C9orf153: variants seen among roughly 807,000 people sequenced by gnomAD.
C9orf153 encodes the protein uncharacterized protein C9orf153.
In C9orf153, 10 loss-of-function variants were observed where a neutral mutation model predicts 9.0. The ratio of observed to expected loss-of-function variants is 1.11; its 90% confidence interval spans 0.69 to 1.89. C9orf153 has a LOEUF of 1.89. Ranked by LOEUF, C9orf153 falls within the 40% of genes most tolerant of loss-of-function variation. The pLI is 0.00. For missense variants in C9orf153, 108 were observed against 111.0 expected (o/e 0.97, Z 0.12); for synonymous variants, 35 against 37.3 (o/e 0.94, Z 0.23).
chr9:86,258,478 C>T (rs564918390), intron 1 of C9orf153: 11 of 152,204 alleles, frequency 7.2e-5, no homozygotes, highest in African/African-American at 2.6e-4. Context: ...TATACCCTTG[C>T]CCAAAGAACG....
chr9:86,248,385 C>T (rs1426886425), intron 1 of C9orf153, among the ~76,000 whole-genome samples: 1 of 152,146 alleles, frequency 6.6e-6, no homozygotes, highest in African/African-American at 2.4e-5. Flanking sequence ...CTGCCTGTCT[C>T]GGCCTCCCAA....
chr9:86,225,203 A>G (rs1824295172), intron 3 of C9orf153, among the ~76,000 whole-genome samples: 1 of 152,100 alleles, frequency 6.6e-6, no homozygotes, highest in African/African-American at 2.4e-5. Context: ...AGGATCCTAA[A>G]GTTCTTCTGG....
chr9:86,240,699 T>C (rs1282645855), intron 1 of C9orf153, among the ~76,000 whole-genome samples: 2 of 63,130 alleles, frequency 3.2e-5, no homozygotes, highest in Non-Finnish European at 5.2e-5. Flanking sequence ...TCTTTTCTTT[T>C]TCTTTTTCTT....
intron 1 of C9orf153, among the ~76,000 whole-genome samples, chr9:86,251,942 C>CAT (rs367793280): frequency 6.7e-6 from 1 of 149,646 alleles, no homozygotes; most frequent in Non-Finnish European, 1.5e-5. Flanking sequence ...CACACACACA[C>CAT]GAGAGAGAGA....
intron 1 of C9orf153, among the ~76,000 whole-genome samples, chr9:86,246,937 C>T (rs770642693): frequency 2.6e-5 from 4 of 152,194 alleles, no homozygotes; most frequent in Non-Finnish European, 5.9e-5. Flanking sequence ...GCAATGTTTC[C>T]CAAGCTAGAG....
At chr9:86,247,272 GCT>G (rs1013598669) in intron 1 of C9orf153, among the ~76,000 whole-genome samples, 1 of 152,038 alleles carries the variant, frequency 6.6e-6, no homozygotes, top group South Asian at 2.1e-4. Flanking sequence ...CTGTCTTTTT[GCT>G]CTCTCTCTTT....
chr9:86,244,908 T>C (rs938819734), intron 1 of C9orf153, among the ~76,000 whole-genome samples: 4 of 152,240 alleles, frequency 2.6e-5, no homozygotes, highest in African/African-American at 4.8e-5. Context: ...AAGCATCCTA[T>C]AGATATCTCC....
intron 1 of C9orf153, among the ~76,000 whole-genome samples, chr9:86,236,061 A>C (rs1824579020): frequency 1.3e-5 from 2 of 152,150 alleles, no homozygotes; most frequent in Non-Finnish European, 2.9e-5. Flanking sequence ...AAGATAAAGA[A>C]AAGAAATCTT....
intron 1 of C9orf153, among the ~76,000 whole-genome samples, chr9:86,251,914 T>TACACACACACACAC (rs34620205): frequency 0.11 from 15,535 of 140,080 alleles, 2,176 homozygotes; most frequent in African/African-American, 0.33. Flanking sequence ...TTAGGTAAAC[T>TACACACACACACAC]ACACACACAC....
chr9:86,243,551 T>C (rs770925250), intron 1 of C9orf153, among the ~76,000 whole-genome samples: 47 of 151,478 alleles, frequency 3.1e-4, no homozygotes, highest in Non-Finnish European at 5.3e-4. Flanking sequence ...CCGCAACCTC[T>C]GCCTCCCAGG....
intron 1 of C9orf153, among the ~76,000 whole-genome samples, chr9:86,253,701 C>T (rs1825043710): frequency 6.6e-6 from 1 of 152,204 alleles, no homozygotes; most frequent in African/African-American, 2.4e-5. Flanking sequence ...CTCAAGAGAT[C>T]TTCCCACTTC....
chr9:86,249,875 C>G lies in C9orf153; in HGVS notation c.-27+9675G>C, dbSNP rs141076408. ...TTCCCCTTTGCTCTCTGAAGTTAAG[C>G]TGAAAAATCAACTGACAAAAGGCAG... On this transcript the variant is annotated intron_variant, in intron 1 of 3. Coordinates refer to ENST00000339137, the MANE Select transcript of C9orf153 (RefSeq NM_001276366.4). Among the ~76,000 whole-genome samples the G allele has an allele frequency of 2.6e-3, 389 of 152,250 alleles. 2 individuals carry two copies. Among genetic ancestry groups the G allele is most frequent in the African/African-American group, 8.8e-3 (366 of 41,556 alleles).
At chr9:86,257,736 A>G (rs1825154034) in intron 1 of C9orf153, among the ~76,000 whole-genome samples, 1 of 152,216 alleles carries the variant, frequency 6.6e-6, no homozygotes, top group Admixed American at 6.5e-5. Context: ...CTGCTGATAT[A>G]ACAACCAGAA....
chr9:86,227,881 C>T lies in C9orf153; in HGVS notation c.216G>A (p.Val72=), dbSNP rs770475367. The T allele has an allele frequency of 6.2e-7, 1 of 1,612,714 alleles. No homozygotes were observed. Among genetic ancestry groups the T allele is most frequent in the Non-Finnish European group, 8.5e-7 (1 of 1,179,554 alleles). The change falls in exon 3 of 4, where the codon GTG becomes GTA. Residue 72 remains valine (V), a synonymous_variant. Transcript: ENST00000339137. ...NVMSFTRGAD[V]RGDLQPVIRK... ...TGATAACAGGTTGGAGATCTCCTCTCACATCAGCGCCCCTGGTGAATGACA... is the reference window on the plus strand; with the variant it reads ...TGATAACAGGTTGGAGATCTCCTCTTACATCAGCGCCCCTGGTGAATGACA...
chr9:86,255,064 GAA>G (rs36169949), intron 1 of C9orf153, among the ~76,000 whole-genome samples: 1 of 137,754 alleles, frequency 7.3e-6, no homozygotes, highest in African/African-American at 2.7e-5. Context: ...CGCTGTCTCA[GAA>G]AAAAAAAAAA....
chr9:86,227,255 T>A, intron 3 of C9orf153: 1 of 1,325,804 alleles, frequency 7.5e-7, no homozygotes, highest in Non-Finnish European at 9.6e-7. Context: ...CAAGTGATCC[T>A]CCCACCTAAA....
intron 1 of C9orf153, among the ~76,000 whole-genome samples, chr9:86,246,309 A>G (rs1368923920): frequency 6.6e-6 from 1 of 152,184 alleles, no homozygotes; most frequent in Non-Finnish European, 1.5e-5. Flanking sequence ...CATGCCATTG[A>G]TTTCTGTCAC....
chr9:86,254,235 T>G (rs750151250), intron 1 of C9orf153, among the ~76,000 whole-genome samples: 1 of 152,172 alleles, frequency 6.6e-6, no homozygotes, highest in Non-Finnish European at 1.5e-5. Context: ...GATTCTTACC[T>G]TGTCCATTGT....
rs146827549 is a variant in C9orf153, at chr9:86,259,289, C to T, written c.-27+261G>A. Among the ~76,000 whole-genome samples the T allele has an allele frequency of 2.6e-3, 395 of 152,100 alleles. 2 individuals carry two copies. The highest frequency in any genetic ancestry group is 9.0e-3 in the African/African-American group (373 of 41,462). On this transcript the variant is annotated intron_variant, in intron 1 of 3. Coordinates refer to ENST00000339137, the MANE Select transcript of C9orf153 (RefSeq NM_001276366.4). Reference sequence around the variant, plus strand: ...GAGCAGAGCTATCAGTGTTGAAGGCCGGAAAGGATGAGGGAGTCTGCAGGC... The same window carrying T: ...GAGCAGAGCTATCAGTGTTGAAGGCTGGAAAGGATGAGGGAGTCTGCAGGC...
Sources: allele counts gnomAD v4.1 joint callset (sites outside exome capture counted in the v4.1 genomes callset), GRCh38; gene constraint gnomAD v4.1.1; transcripts MANE v1.5; gene names NCBI Gene and HGNC (gene_info 2026-07-23, HGNC 2026-07-21).